The following HCN1 variants were observed in gnomAD, a reference collection of about 807,000 sequenced individuals.
HCN1 encodes hyperpolarization activated cyclic nucleotide gated potassium channel 1.
In HCN1, 13 loss-of-function variants were observed where a neutral mutation model predicts 78.9. The observed-to-expected ratio is 0.16, with a 90% CI of 0.11 to 0.26. The LOEUF is 0.26. HCN1 is among the 10% of genes least tolerant of loss of function. The pLI, the probability that HCN1 is intolerant of heterozygous loss-of-function variation, is 1.00. For missense variants in HCN1, 810 were observed against 1,154.3 expected (o/e 0.70, Z 4.32); for synonymous variants, 552 against 455.5 (o/e 1.21, Z -2.70).
At chr5:45,271,004 A>G (rs1744950480) in intron 6 of HCN1, among the ~76,000 whole-genome samples, 1 of 152,140 alleles carries the variant, frequency 6.6e-6, no homozygotes, top group Admixed American at 6.6e-5. Flanking sequence ...GGTACACATT[A>G]CTAAGTAATC....
chr5:45,455,551 A>G (rs930090306), intron 3 of HCN1, among the ~76,000 whole-genome samples: 1 of 152,080 alleles, frequency 6.6e-6, no homozygotes, highest in African/African-American at 2.4e-5. Context: ...GAAAAAATAC[A>G]TAATATACAC....
intron 7 of HCN1, among the ~76,000 whole-genome samples, chr5:45,265,468 A>G (rs978015340): frequency 1.3e-5 from 2 of 152,182 alleles, no homozygotes; most frequent in Non-Finnish European, 2.9e-5. Flanking sequence ...GTCTTGTTAA[A>G]TCTCTAAGAT....
chr5:45,339,264 T>C (rs554361634), intron 5 of HCN1, among the ~76,000 whole-genome samples: 8 of 152,200 alleles, frequency 5.3e-5, no homozygotes, highest in African/African-American at 1.9e-4. Context: ...TTTAAAGAGA[T>C]AATAAACTAA....
intron 5 of HCN1, among the ~76,000 whole-genome samples, chr5:45,319,500 A>C (rs570964045): frequency 2.0e-5 from 3 of 151,872 alleles, no homozygotes; most frequent in South Asian, 4.2e-4. Flanking sequence ...TTTTGATCAG[A>C]TGAATAGCCT....
At chr5:45,393,776 G>T (rs1739631216) in intron 4 of HCN1, among the ~76,000 whole-genome samples, 1 of 152,194 alleles carries the variant, frequency 6.6e-6, no homozygotes, top group Non-Finnish European at 1.5e-5. Context: ...CTAAAAAGAT[G>T]CTAAGTAAGG....
chr5:45,386,052 T>A (rs1199614039), intron 4 of HCN1, among the ~76,000 whole-genome samples: 2 of 152,206 alleles, frequency 1.3e-5, no homozygotes, highest in Non-Finnish European at 2.9e-5. Flanking sequence ...CTTATCTAAA[T>A]CAATTGAAAG....
intron 2 of HCN1, among the ~76,000 whole-genome samples, chr5:45,560,832 A>G (rs992581672): frequency 2.0e-5 from 3 of 152,060 alleles, no homozygotes. Context: ...ATTTTCTTTA[A>G]AGATTCATTT....
At chr5:45,314,881 G>A (rs1280321310) in intron 5 of HCN1, among the ~76,000 whole-genome samples, 1 of 152,138 alleles carries the variant, frequency 6.6e-6, no homozygotes, top group African/African-American at 2.4e-5. Flanking sequence ...AAATATATAT[G>A]CACCCAATAC....
At chr5:45,376,080 ATAT>A (rs570002269) in intron 4 of HCN1, among the ~76,000 whole-genome samples, 1,133 of 111,394 alleles carry the variant, frequency 0.01, 25 homozygotes, top group African/African-American at 0.039. Context: ...GTTATAATAT[ATAT>A]TATATTATAT....
At chr5:45,566,261 G>A (rs1743705473) in intron 2 of HCN1, among the ~76,000 whole-genome samples, 1 of 151,734 alleles carries the variant, frequency 6.6e-6, no homozygotes, top group Non-Finnish European at 1.5e-5. Flanking sequence ...TTTAGGTTGA[G>A]GTAGGTCTAA....
At chr5:45,343,198 T>A (rs1369010118) in intron 5 of HCN1, among the ~76,000 whole-genome samples, 2 of 152,164 alleles carry the variant, frequency 1.3e-5, no homozygotes, top group Non-Finnish European at 2.9e-5. Flanking sequence ...AAAGGAAAGC[T>A]GGAGATTTAG....
chr5:45,405,653 G>A (rs562744307), intron 3 of HCN1, among the ~76,000 whole-genome samples: 13 of 152,214 alleles, frequency 8.5e-5, no homozygotes, highest in African/African-American at 2.6e-4. Flanking sequence ...AGCAATCTTC[G>A]TGGCTCTGCC....
intron 3 of HCN1, among the ~76,000 whole-genome samples, chr5:45,413,532 A>G (rs993045746): frequency 2.6e-5 from 4 of 152,082 alleles, no homozygotes; most frequent in Non-Finnish European, 5.9e-5. Context: ...GTTTTTGGTT[A>G]TGTATTTTTC....
chr5:45,536,211 G>T (rs1218654333), intron 2 of HCN1, among the ~76,000 whole-genome samples: 1 of 152,014 alleles, frequency 6.6e-6, no homozygotes, highest in African/African-American at 2.4e-5. Flanking sequence ...GGTGTTTACT[G>T]TATTTTTGGA....
intron 2 of HCN1, among the ~76,000 whole-genome samples, chr5:45,513,011 G>A (rs1466648197): frequency 6.6e-6 from 1 of 152,058 alleles, no homozygotes; most frequent in Non-Finnish European, 1.5e-5. Context: ...TTTTAATAAT[G>A]TACAGTTCTG....
intron 2 of HCN1, among the ~76,000 whole-genome samples, chr5:45,532,272 T>G (rs1274164704): frequency 1.3e-5 from 2 of 152,224 alleles, no homozygotes; most frequent in Non-Finnish European, 2.9e-5. Context: ...ACAATTGTGG[T>G]CATGCTCTAT....
At chr5:45,297,027 G>T (rs1745509988) in intron 6 of HCN1, among the ~76,000 whole-genome samples, 1 of 152,010 alleles carries the variant, frequency 6.6e-6, no homozygotes, top group African/African-American at 2.4e-5. Flanking sequence ...GAAATATAGA[G>T]GTGTGATGTG....
At chr5:45,633,240 CATATT>C (rs1382395837) in intron 2 of HCN1, among the ~76,000 whole-genome samples, 1 of 151,920 alleles carries the variant, frequency 6.6e-6, no homozygotes, top group Admixed American at 6.6e-5. Context: ...ATGAATGTCT[CATATT>C]ATATTCTAGC....
intron 2 of HCN1, among the ~76,000 whole-genome samples, chr5:45,604,336 G>A (rs1321660001): frequency 6.6e-6 from 1 of 151,858 alleles, no homozygotes; most frequent in African/African-American, 2.4e-5. Flanking sequence ...TACAGCAAAA[G>A]CAGTCTGCAG....
Sources: gnomAD v4.1 joint callset for allele counts (sites outside exome capture counted in the v4.1 genomes callset) on GRCh38, gnomAD v4.1.1 for gene constraint, MANE v1.5 for transcripts, NCBI Gene and HGNC (gene_info 2026-07-23, HGNC 2026-07-21) for gene names.